The following AGXT2 variants were observed in gnomAD, a reference collection of about 807,000 sequenced individuals.
AGXT2 encodes the protein alanine--glyoxylate aminotransferase 2.
AGXT2 carries 61 observed loss-of-function variants against 62.5 expected under a neutral mutation model. The ratio of observed to expected loss-of-function variants is 0.98; its 90% CI spans 0.79 to 1.21. The LOEUF (loss-of-function observed/expected upper bound fraction) is 1.21, where lower values mean the gene tolerates loss of function less well. AGXT2 is among the 50% of genes most tolerant of loss of function. AGXT2 has a pLI of 0.00. For synonymous variants in AGXT2, 243 were observed against 218.7 expected, an observed-to-expected ratio of 1.11 and a Z score of -0.98; for missense variants, 666 against 641.5, an observed-to-expected ratio of 1.04 and a Z score of -0.41.
Position 35,037,704 on chromosome 5 carries a change from A to G in AGXT2, c.363-639T>C, listed in dbSNP as rs185036884. ...GTAGCTGGGACTATAGGTGCATGCT[A>G]CCACGTCTGACTAAGATGAACAGTT... On this transcript the variant is annotated intron_variant, in intron 3 of 13. Transcript: ENST00000231420. Among the ~76,000 whole-genome samples, 392 of 152,316 alleles carry G rather than the reference A, an allele frequency of 2.6e-3. 2 individuals are homozygous for G. The highest frequency in any genetic ancestry group is 9.0e-3 in the African/African-American group (376 of 41,568).
intron 12 of AGXT2, among the ~76,000 whole-genome samples, chr5:35,005,722 C>A (rs573707940): frequency 1.3e-5 from 2 of 152,070 alleles, no homozygotes; most frequent in South Asian, 4.2e-4. Context: ...CACAGCGCAG[C>A]CTGCCGAGGC....
At chr5:35,033,232 T>C (rs2112265603) in intron 6 of AGXT2, 1 of 539,396 alleles carries the variant, frequency 1.9e-6, no homozygotes, top group African/African-American at 1.9e-5. Context: ...CTTGATTTTA[T>C]TTAAAAGCAA....
Position 35,023,798 on chromosome 5 carries a change from A to G in AGXT2, c.963+1965T>C, listed in dbSNP as rs189541934. The stretch of plus-strand genomic sequence containing the variant: ...ATACACCTGGGCATAACAGAGACCC[A>G]GCTGCCCAGGCAGAAATTGCAAAAT... On this transcript the variant is annotated intron_variant, in intron 9 of 13. Coordinates refer to ENST00000231420, the MANE Select transcript of AGXT2 (RefSeq NM_031900.4). 2.4e-3 allele frequency among the ~76,000 whole-genome samples: 368 copies of G among 152,372 alleles called. 2 individuals are homozygous for G. Among genetic ancestry groups the G allele is most frequent in the African/African-American group, 8.2e-3 (342 of 41,590 alleles).
chr5:35,024,147 C>G (rs1767232791), intron 9 of AGXT2, among the ~76,000 whole-genome samples: 1 of 152,172 alleles, frequency 6.6e-6, no homozygotes, highest in South Asian at 2.1e-4. Context: ...CCTGCCTCAG[C>G]ATCCCAAAGT....
chr5:35,013,884 T>C (rs1766742017), intron 10 of AGXT2, 103 bp downstream of exon 10: 2 of 1,518,704 alleles, frequency 1.3e-6, no homozygotes, highest in African/African-American at 2.8e-5. Context: ...CATCATGTGG[T>C]TTCCATGATT....
rs552608085 is a variant in AGXT2 at position 35,002,531 on chromosome 5, G to C, written c.1437+1232C>G. Among the ~76,000 whole-genome samples the C allele has an allele frequency of 1.1e-3, 170 of 152,358 alleles. 1 individual carries two copies. The highest frequency in any genetic ancestry group is 3.8e-3 in the African/African-American group (159 of 41,578). On this transcript the variant is annotated intron_variant, in intron 13 of 13. Transcript: ENST00000231420. The stretch of plus-strand genomic sequence containing the variant: ...CCCTAACTCCCAAGGTGATGGTCTT[G>C]TGAAGTGGAGCCTTTGGGAAGTGAT...
intron 2 of AGXT2, among the ~76,000 whole-genome samples, chr5:35,039,911 T>G (rs565230300): frequency 6.6e-6 from 1 of 152,334 alleles, no homozygotes; most frequent in Admixed American, 6.5e-5. Context: ...GCTAGTCGTG[T>G]TTGTATCTTT....
At chr5:35,028,622 A>AT (rs1767457248) in intron 7 of AGXT2, among the ~76,000 whole-genome samples, 2 of 46,102 alleles carry the variant, frequency 4.3e-5, no homozygotes. Flanking sequence ...AGAGAGAGAA[A>AT]TTCTTCTACT....
At position 35,040,622 on chromosome 5, in the gene AGXT2, T is replaced by C. The variant is rs1767947831; in HGVS notation, c.130A>G (p.Thr44Ala). The change falls in exon 2 of 14, where the codon ACA (threonine) becomes GCA (alanine). Residue 44 changes from threonine (T) to alanine (A), a missense_variant. Transcript: ENST00000231420. ...RTSVTKLSLH[T>A]KPRMPPCDFM... is the part of the protein sequence containing the mutation. ...TCACATGGAGGCATTCTGGGCTTTG[T>C]ATGAAGACTGAGCTTGGTTACTGAT... is the stretch of plus-strand genomic sequence containing the variant. 2 of 1,614,016 alleles carry C rather than the reference T, an allele frequency of 1.2e-6. No homozygotes were observed.
At position 35,033,539 on chromosome 5, in the gene AGXT2, C is replaced by T; in HGVS notation, c.596G>A (p.Gly199Glu). 1 of 1,613,622 alleles carries T rather than the reference C, an allele frequency of 6.2e-7. No homozygotes were observed. Among genetic ancestry groups the T allele is most frequent in the African/African-American group, 1.3e-5 (1 of 75,026 alleles). Residue 199 changes from glycine (G) to glutamate (E), a missense_variant, in exon 6 of 14, where the codon GGA becomes GAA. Gly to Glu is a moderately conservative substitution (Grantham distance 98, BLOSUM62 -2). Coordinates refer to ENST00000231420, the MANE Select transcript of AGXT2 (RefSeq NM_031900.4). ...DIISFRGAYH[G>E]CSPYTLGLTN... is the part of the protein sequence containing the mutation. Reference sequence around the variant, plus strand: ...CAAGCCAAGTGTGTAAGGACTGCATCCATGGTAGGCTCCTCTGCAGAGAAG... The same window carrying T: ...CAAGCCAAGTGTGTAAGGACTGCATTCATGGTAGGCTCCTCTGCAGAGAAG...
intron 9 of AGXT2, among the ~76,000 whole-genome samples, chr5:35,017,907 C>T (rs985611676): frequency 8.6e-5 from 13 of 151,998 alleles, no homozygotes; most frequent in African/African-American, 3.1e-4. Flanking sequence ...AACCAAGGCT[C>T]GAGAACTACG....
rs144306131 is a variant in AGXT2, at chr5:34,998,371, A to G, written c.*348T>C. The G allele has an allele frequency of 2.5e-5, 8 of 314,364 alleles. No homozygotes were observed. In the East Asian group the frequency reaches 6.2e-4, roughly 24 times the overall value. 19.5% of individuals were successfully genotyped at this position (314,364 alleles called of 1,614,324 possible). Reference sequence around the variant, plus strand: ...GGTGAAGAAAACTTTCCCTGAAGGCACCTCCACCAAAAGATTTTTCTTCAA... The same window carrying G: ...GGTGAAGAAAACTTTCCCTGAAGGCGCCTCCACCAAAAGATTTTTCTTCAA... On this transcript the variant is annotated 3_prime_UTR_variant, in exon 14 of 14. Coordinates refer to ENST00000231420, the MANE Select transcript of AGXT2 (RefSeq NM_031900.4).
intron 9 of AGXT2, among the ~76,000 whole-genome samples, chr5:35,017,603 C>G (rs1766893775): frequency 6.6e-6 from 1 of 152,212 alleles, no homozygotes; most frequent in Non-Finnish European, 1.5e-5. Context: ...CCTCCCCAAC[C>G]ACATGGAACT....
rs1767925582 is a variant in AGXT2, at chr5:35,040,036, TGTGTGCATGCAC to T, written c.177+527_178-529del. Among the ~76,000 whole-genome samples the T allele has an allele frequency of 8.5e-5, 13 of 152,164 alleles. No individual in the cohort carries two copies. In the South Asian group the frequency reaches 2.5e-3, roughly 29 times the overall value. On this transcript the variant is annotated intron_variant, in intron 2 of 13. Transcript: ENST00000231420. ...TGTCGAATAAAGGAGTTGCCGTGTG[TGTGTGCATGCAC>T]GTGTGCATGCATAACAGAGAGAGAG... is the stretch of plus-strand genomic sequence containing the variant.
Position 35,010,086 on chromosome 5 carries a change from AC to A in AGXT2, c.1251del (p.Lys417AsnfsTer21). Reference protein sequence around the residue: ...SQEVGTYMLLKFAKLRDEFEI... With the variant: ...SQEVGTYMLLXFAKLRDEFEI... ...TCAAATTCATCCCGCAGCTTAGCAA[AC>A]TTTAGTAACATGTAGGTCCCAACTT... On this transcript the variant is annotated frameshift_variant, in exon 12 of 14. Coordinates refer to ENST00000231420, the MANE Select transcript of AGXT2 (RefSeq NM_031900.4). LOFTEE classifies it high-confidence loss of function. The A allele has an allele frequency of 6.2e-7, 1 of 1,614,188 alleles. No homozygotes were observed. Among genetic ancestry groups the A allele is most frequent in the Non-Finnish European group, 8.5e-7 (1 of 1,180,032 alleles).
At chr5:35,018,550 C>A (rs1766940611) in intron 9 of AGXT2, among the ~76,000 whole-genome samples, 1 of 152,018 alleles carries the variant, frequency 6.6e-6, no homozygotes, top group East Asian at 1.9e-4. Context: ...ACCAGGCCTG[C>A]CCTAAAAGAG....
In AGXT2 at chr5:35,023,162, A is replaced by G. The variant is rs573745753; in HGVS notation, c.963+2601T>C. Among the ~76,000 whole-genome samples, 13 of 55,192 alleles carry G rather than the reference A, an allele frequency of 2.4e-4. No individual in the cohort carries two copies. In the South Asian group the frequency reaches 8.1e-3, roughly 34 times the overall value. The allele number at this position is 55,192 out of a possible 152,430, so 36.2% of individuals were successfully genotyped here. On this transcript the variant is annotated intron_variant, in intron 9 of 13. Coordinates refer to ENST00000231420, the MANE Select transcript of AGXT2 (RefSeq NM_031900.4). ...TTTAATAAAATTGTGGTGATGGCAG[A>G]TGTAAAAAAAAAAAGAAAAAAGAAA... is the stretch of plus-strand genomic sequence containing the variant.
chr5:34,999,933 A>G (rs1352579400), intron 13 of AGXT2, among the ~76,000 whole-genome samples: 1 of 152,178 alleles, frequency 6.6e-6, no homozygotes, highest in Non-Finnish European at 1.5e-5. Context: ...GCCTATAAAC[A>G]AGCAGGCTTA....
intron 6 of AGXT2, 180 bp downstream of exon 6, chr5:35,033,280 A>G: frequency 1.6e-6 from 1 of 621,746 alleles, no homozygotes; most frequent in Non-Finnish European, 2.9e-6. Flanking sequence ...TATTACTCAG[A>G]CTCGGAAGGC....
Sources: gnomAD v4.1 joint callset for allele counts (sites outside exome capture counted in the v4.1 genomes callset) on GRCh38, gnomAD v4.1.1 for gene constraint, MANE v1.5 for transcripts, NCBI Gene and HGNC (gene_info 2026-07-23, HGNC 2026-07-21) for gene names.